Variants in TTC27 observed in about 807,000 individuals in gnomAD.
TTC27 encodes the protein tetratricopeptide repeat domain 27.
A neutral mutation model predicts 115.9 loss-of-function variants in TTC27; 79 were observed. The observed-to-expected ratio is 0.68, with a 90% CI of 0.57 to 0.82. The LOEUF (loss-of-function observed/expected upper bound fraction) is 0.82, where lower values mean the gene tolerates loss of function less well. Among genes scored for constraint, TTC27 ranks in the 40% least tolerant of loss-of-function variants. The pLI is 0.00. For missense variants in TTC27, 1,054 were observed against 993.1 expected, an observed-to-expected ratio of 1.06 and a Z score of -0.82; for synonymous variants, 401 against 356.0, an observed-to-expected ratio of 1.13 and a Z score of -1.42.
At chr2:32,732,484 G>C (rs1278532553) in intron 10 of TTC27, among the ~76,000 whole-genome samples, 1 of 152,170 alleles carries the variant, frequency 6.6e-6, no homozygotes, top group African/African-American at 2.4e-5. Flanking sequence ...CAATTTAGGA[G>C]AAGCCTCCCT....
In TTC27 at chr2:32,650,222, G is replaced by T; in HGVS notation, c.629G>T (p.Cys210Phe). ...SPLLFTLAEN[C>F]IDQVMKLQNL... ...CTGCTTTTTACTCTTGCCGAAAACT[G>T]TATTGATCAAGGTATGTAGCAGATT... The change falls in exon 5 of 20, where the codon TGT (cysteine) becomes TTT (phenylalanine). Residue 210 changes from cysteine to phenylalanine, a missense_variant. By Grantham distance (205) the Cys-to-Phe change is radical. Coordinates refer to ENST00000317907, the MANE Select transcript of TTC27 (RefSeq NM_017735.5). The T allele has an allele frequency of 6.2e-7, 1 of 1,613,526 alleles. No homozygotes were observed. Among genetic ancestry groups the T allele is most frequent in the Non-Finnish European group, 8.5e-7 (1 of 1,179,740 alleles).
chr2:32,729,626 G>A (rs115673577), intron 10 of TTC27, among the ~76,000 whole-genome samples: 99 of 152,214 alleles, frequency 6.5e-4, no homozygotes, highest in African/African-American at 2.3e-3. Flanking sequence ...TCATATCACA[G>A]TAGTCCATGC....
intron 13 of TTC27, 43 bp downstream of exon 13, chr2:32,758,562 T>C: frequency 1.3e-6 from 2 of 1,575,486 alleles, no homozygotes; most frequent in Non-Finnish European, 1.7e-6. Context: ...GCGCTTGTGC[T>C]GTTCTTTGGA....
chr2:32,815,223 A>ATTTTTTTTTTTTTTTTT lies in TTC27; in HGVS notation c.2309-2219_2309-2203dup, dbSNP rs533493768. On this transcript the variant is annotated intron_variant, in intron 18 of 19. Transcript: ENST00000317907. ...CATAGAGGAGGCACTGCTGCTTCAGATTTTTTTTTTTTTTTTTTTTTTTTT... is the reference window on the plus strand; with the variant it reads ...CATAGAGGAGGCACTGCTGCTTCAGATTTTTTTTTTTTTTTTTTTTTTTTTTTTTTTTTTTTTTTTTT... Among the ~76,000 whole-genome samples, 19 of 55,512 alleles carry ATTTTTTTTTTTTTTTTT rather than the reference A, an allele frequency of 3.4e-4. 6 individuals carry two copies. The highest frequency in any genetic ancestry group is 1.3e-3 in the East Asian group (2 of 1,494). 36.4% of individuals were successfully genotyped at this position (55,512 alleles called of 152,430 possible). A position where few individuals can be genotyped will look rare whatever the true frequency, so the allele number is the denominator to read the frequency against.
intron 13 of TTC27, among the ~76,000 whole-genome samples, chr2:32,762,278 TG>T (rs985242235): frequency 7.6e-4 from 4 of 5,270 alleles, no homozygotes; most frequent in Non-Finnish European, 2.1e-3. Context: ...CAGAGAGAAG[TG>T]TGTGTGTGTG....
intron 4 of TTC27, among the ~76,000 whole-genome samples, chr2:32,645,959 T>A (rs1329101696): frequency 3.3e-5 from 5 of 151,920 alleles, no homozygotes; most frequent in Non-Finnish European, 7.4e-5. Context: ...ACCTCAATGA[T>A]CTGCTTGCCT....
intron 4 of TTC27, among the ~76,000 whole-genome samples, chr2:32,644,181 A>C (rs1185712651): frequency 1.3e-5 from 1 of 74,504 alleles, no homozygotes; most frequent in Non-Finnish European, 2.7e-5. Flanking sequence ...ACTCTGTTTC[A>C]AAAAAAAAAA....
chr2:32,722,738 C>T (rs981235999), intron 10 of TTC27, among the ~76,000 whole-genome samples: 1 of 152,134 alleles, frequency 6.6e-6, no homozygotes, highest in African/African-American at 2.4e-5. Flanking sequence ...AGAAGTTAAT[C>T]GAGACTTTTG....
chr2:32,669,712 C>G (rs2151882826), intron 7 of TTC27, among the ~76,000 whole-genome samples: 1 of 151,900 alleles, frequency 6.6e-6, no homozygotes, highest in South Asian at 2.1e-4. Context: ...TGCCGAAACC[C>G]CATCTCTGCT....
At chr2:32,754,818 G>GC (rs1434892982) in intron 12 of TTC27, among the ~76,000 whole-genome samples, 1 of 93,720 alleles carries the variant, frequency 1.1e-5, no homozygotes, top group Non-Finnish European at 2.5e-5. Context: ...TGGCTGGGCG[G>GC]GGGGGCTGAC....
At chr2:32,685,123 C>T (rs550244411) in intron 9 of TTC27, among the ~76,000 whole-genome samples, 4 of 151,082 alleles carry the variant, frequency 2.6e-5, no homozygotes, top group Non-Finnish European at 4.4e-5. Flanking sequence ...CCCTGCCTCC[C>T]GGTTCAAGTG....
chr2:32,729,778 G>GC (rs1668230693), intron 10 of TTC27, among the ~76,000 whole-genome samples: 1 of 151,904 alleles, frequency 6.6e-6, no homozygotes, highest in Non-Finnish European at 1.5e-5. Flanking sequence ...GCTTCAAACT[G>GC]CCCTTAATGA....
At chr2:32,800,374 G>T (rs1670880721) in intron 16 of TTC27, among the ~76,000 whole-genome samples, 1 of 152,008 alleles carries the variant, frequency 6.6e-6, no homozygotes, top group Non-Finnish European at 1.5e-5. Flanking sequence ...GTAGAGATGG[G>T]GTTTCACCAT....
At chr2:32,654,095 G>A (rs6751836) in intron 5 of TTC27, among the ~76,000 whole-genome samples, 5,330 of 152,254 alleles carry the variant, frequency 0.035, 309 homozygotes, top group African/African-American at 0.12. Context: ...GCCCTTTAGA[G>A]ATAATCTTGT....
At chr2:32,735,461 G>A (rs1390728407) in intron 11 of TTC27, among the ~76,000 whole-genome samples, 1 of 152,136 alleles carries the variant, frequency 6.6e-6, no homozygotes, top group Non-Finnish European at 1.5e-5. Context: ...AACAAATACT[G>A]TTCAAACTGA....
chr2:32,758,735 TTC>T (rs1342719804), intron 13 of TTC27, among the ~76,000 whole-genome samples: 13 of 150,696 alleles, frequency 8.6e-5, no homozygotes, highest in Admixed American at 2.0e-4. Context: ...TACTTTAACT[TTC>T]TGTTTCATTT....
intron 10 of TTC27, among the ~76,000 whole-genome samples, chr2:32,723,220 G>C (rs1316749369): frequency 6.6e-6 from 1 of 152,188 alleles, no homozygotes; most frequent in Non-Finnish European, 1.5e-5. Flanking sequence ...GACAAGGTCA[G>C]ATTACGGTGA....
chr2:32,815,357 C>T (rs1228872561), intron 18 of TTC27, among the ~76,000 whole-genome samples: 5 of 150,594 alleles, frequency 3.3e-5, no homozygotes, highest in Non-Finnish European at 7.4e-5. Context: ...CTGCCTCAGC[C>T]TCCCAAGCCA....
At chr2:32,711,340 C>T (rs770795121) in intron 10 of TTC27, among the ~76,000 whole-genome samples, 46 of 152,148 alleles carry the variant, frequency 3.0e-4, no homozygotes, top group Non-Finnish European at 5.7e-4. Context: ...ATTCTCTTTA[C>T]TTCCCCAACG....
Sources: gnomAD v4.1 joint callset for allele counts (sites outside exome capture counted in the v4.1 genomes callset) on GRCh38, gnomAD v4.1.1 for gene constraint, MANE v1.5 for transcripts, NCBI Gene and HGNC (gene_info 2026-07-23, HGNC 2026-07-21) for gene names.